SCN3B: variants seen among roughly 807,000 people sequenced by gnomAD.
SCN3B encodes the protein sodium voltage-gated channel beta subunit 3, also known as sodium channel regulatory subunit beta-3.
Under a neutral mutation model 25.4 loss-of-function variants are expected in SCN3B, and 11 were observed. The ratio of observed to expected loss-of-function variants is 0.43; its 90% CI spans 0.27 to 0.72. The LOEUF (loss-of-function observed/expected upper bound fraction) is 0.72, where lower values mean the gene tolerates loss of function less well. SCN3B is among the 30% of genes least tolerant of loss of function. SCN3B has a pLI of 0.18. For synonymous variants in SCN3B, 109 were observed against 110.7 expected (o/e 0.99, Z 0.09); for missense variants, 218 against 278.3 (o/e 0.78, Z 1.54).
intron 2 of SCN3B, among the ~76,000 whole-genome samples, chr11:123,646,730 G>A (rs1955858073): frequency 6.6e-6 from 1 of 152,174 alleles, no homozygotes; most frequent in Non-Finnish European, 1.5e-5. Context: ...AATAACTTGA[G>A]CGGGACAAGG....
intron 1 of SCN3B, 117 bp from the exon 2 acceptor site, chr11:123,653,943 C>T (rs530483995): frequency 5.1e-6 from 5 of 986,542 alleles, no homozygotes; most frequent in South Asian, 1.3e-5. Flanking sequence ...GGGCCGAGCA[C>T]CGGTGCCTGG....
At chr11:123,649,542 G>A (rs1331520517) in intron 2 of SCN3B, among the ~76,000 whole-genome samples, 1 of 152,170 alleles carries the variant, frequency 6.6e-6, no homozygotes, top group Non-Finnish European at 1.5e-5. Context: ...TGCTTCAAGA[G>A]GTAATGTCTG....
chr11:123,643,042 A>G (rs1955810001), intron 3 of SCN3B, among the ~76,000 whole-genome samples: 1 of 152,230 alleles, frequency 6.6e-6, no homozygotes, highest in Non-Finnish European at 1.5e-5. Context: ...AGAGAAAGAC[A>G]GGATTGTAAA....
Position 123,645,724 on chromosome 11 carries a change from CCA to C in SCN3B, c.80_81del (p.Val27GlyfsTer43). The C allele has an allele frequency of 6.2e-7, 1 of 1,614,060 alleles. No individual in the cohort carries two copies. The highest frequency in any genetic ancestry group is 8.5e-7 in the Non-Finnish European group (1 of 1,180,026). On this transcript the variant is annotated frameshift_variant, in exon 3 of 7. Coordinates refer to ENST00000299333, the MANE Select transcript of SCN3B (RefSeq NM_001040151.2). LOFTEE classifies it high-confidence loss of function. ...YWVSVCFPVC[V>X]EVPSETEAVQ... ...ACGGCCTCCGTCTCCGAGGGCACTT[CCA>C]CACACACAGGGAAGCAGACACTGAC...
intron 2 of SCN3B, among the ~76,000 whole-genome samples, chr11:123,651,115 ATTAT>A (rs1385920409): frequency 4.6e-5 from 7 of 151,050 alleles, no homozygotes; most frequent in Admixed American, 6.6e-5. Context: ...TATTGTATTA[ATTAT>A]TTATTGTATT....
chr11:123,637,092 T>C (rs78564934), intron 5 of SCN3B, among the ~76,000 whole-genome samples: 11,389 of 152,212 alleles, frequency 0.075, 556 homozygotes, highest in East Asian at 0.22. Context: ...GTTTTTTCTA[T>C]CTTTCCTTTC....
intron 3 of SCN3B, among the ~76,000 whole-genome samples, chr11:123,643,735 A>G (rs547079998): frequency 1.3e-5 from 2 of 152,336 alleles, no homozygotes; most frequent in African/African-American, 4.8e-5. Flanking sequence ...CAGGCCTGGA[A>G]GCAATGTGGG....
At position 123,633,285 on chromosome 11, in the gene SCN3B, TGG is replaced by T. The variant is rs1300062138; in HGVS notation, c.*512_*513del. On this transcript the variant is annotated 3_prime_UTR_variant, in exon 7 of 7. Transcript: ENST00000299333. ...GCTTCACTCTGATGCTGTAGCAAAGTGGGCCATGAACCTGACAAAACTGACTT... is the reference window on the plus strand; with the variant it reads ...GCTTCACTCTGATGCTGTAGCAAAGTGCCATGAACCTGACAAAACTGACTT... The T allele has an allele frequency of 6.6e-6, 1 of 152,286 alleles. No individual in the cohort carries two copies. Among genetic ancestry groups the T allele is most frequent in the Non-Finnish European group, 1.5e-5 (1 of 68,088 alleles). 9.4% of individuals were successfully genotyped at this position (152,286 alleles called of 1,614,324 possible). A position where few individuals can be genotyped will look rare whatever the true frequency, so the allele number is the denominator to read the frequency against.
At chr11:123,640,510 T>G (rs1457652552) in intron 4 of SCN3B, 1 of 117,246 alleles carries the variant, frequency 8.5e-6, no homozygotes, top group African/African-American at 3.4e-5. Flanking sequence ...GTATCTGATG[T>G]CACAGAGGCA....
intron 2 of SCN3B, among the ~76,000 whole-genome samples, chr11:123,649,633 C>G (rs1955897367): frequency 1.4e-5 from 2 of 145,366 alleles, no homozygotes. Context: ...TTTTTTCTTT[C>G]TTTCTTTTTT....
chr11:123,649,009 C>A (rs1231413878), intron 2 of SCN3B, among the ~76,000 whole-genome samples: 1 of 152,090 alleles, frequency 6.6e-6, no homozygotes, highest in Non-Finnish European at 1.5e-5. Flanking sequence ...ATCATATGAT[C>A]TGATGCTGTG....
In SCN3B at chr11:123,648,296, C is replaced by G. The variant is rs544289562; in HGVS notation, c.56-2546G>C. Reference sequence around the variant, plus strand: ...AGTTGGGTTTGATGTACTATGTAATCTCTCTGGACTCAGTTTATTCATCGA... The same window carrying G: ...AGTTGGGTTTGATGTACTATGTAATGTCTCTGGACTCAGTTTATTCATCGA... On this transcript the variant is annotated intron_variant, in intron 2 of 6. Coordinates refer to ENST00000299333, the MANE Select transcript of SCN3B (RefSeq NM_001040151.2). Among the ~76,000 whole-genome samples the G allele has an allele frequency of 1.2e-4, 18 of 152,348 alleles. 1 individual carries two copies. The East Asian group carries it at 3.5e-3, about 29-fold the overall frequency.
rs974924875 is a variant in SCN3B, at chr11:123,647,668, G to A, written c.56-1918C>T. Among the ~76,000 whole-genome samples the A allele has an allele frequency of 7.2e-5, 11 of 152,180 alleles. No homozygotes were observed. In the East Asian group the frequency reaches 1.2e-3, roughly 16 times the overall value. On this transcript the variant is annotated intron_variant, in intron 2 of 6. Transcript: ENST00000299333. ...CAGCCTGTTCATCTCCTGGCAGAGCGTTCTTTCCTAAAAGCAGAGGAAGGT... is the reference window on the plus strand; with the variant it reads ...CAGCCTGTTCATCTCCTGGCAGAGCATTCTTTCCTAAAAGCAGAGGAAGGT...
chr11:123,649,960 TC>T (rs1955905064), intron 2 of SCN3B, among the ~76,000 whole-genome samples: 1 of 152,132 alleles, frequency 6.6e-6, no homozygotes, highest in Non-Finnish European at 1.5e-5. Context: ...CACCTTGACC[TC>T]CCAAAGTGCC....
Position 123,632,397 on chromosome 11 carries a change from T to C in SCN3B, c.*1402A>G, listed in dbSNP as rs904714688. 2 of 152,194 alleles carry C rather than the reference T, an allele frequency of 1.3e-5. No individual in the cohort carries two copies. Among genetic ancestry groups the C allele is most frequent in the Non-Finnish European group, 2.9e-5 (2 of 68,022 alleles). 9.4% of individuals were successfully genotyped at this position (152,194 alleles called of 1,614,324 possible). On this transcript the variant is annotated 3_prime_UTR_variant, in exon 7 of 7. Coordinates refer to ENST00000299333, the MANE Select transcript of SCN3B (RefSeq NM_001040151.2). Reference sequence around the variant, plus strand: ...TTCTTCTCCCTGCTTTTTTGGCCAATTTCTAGTCATCTGAATCTATCAGAG... The same window carrying C: ...TTCTTCTCCCTGCTTTTTTGGCCAACTTCTAGTCATCTGAATCTATCAGAG...
chr11:123,637,047 C>T (rs552044359), intron 5 of SCN3B, among the ~76,000 whole-genome samples: 6 of 152,278 alleles, frequency 3.9e-5, no homozygotes, highest in East Asian at 3.9e-4. Context: ...AGACTGTTTT[C>T]GGTTTGCCTC....
chr11:123,637,705 C>T (rs963236376), intron 5 of SCN3B, among the ~76,000 whole-genome samples: 5 of 151,874 alleles, frequency 3.3e-5, no homozygotes, highest in Non-Finnish European at 7.4e-5. Context: ...ATTTTTTATA[C>T]TTTTAGTAGA....
chr11:123,639,286 T>C (rs74421140), intron 4 of SCN3B: 11,017 of 152,326 alleles, frequency 0.072, 536 homozygotes, highest in East Asian at 0.23. Flanking sequence ...AGTCTCGCAG[T>C]AGTTCTAGAT....
At chr11:123,644,800 AATATATATATATATATAT>A (rs56135097) in intron 3 of SCN3B, among the ~76,000 whole-genome samples, 546 of 45,566 alleles carry the variant, frequency 0.012, 8 homozygotes, top group African/African-American at 0.034. Context: ...AGAGAGAGAG[AATATATATATATATATAT>A]ATATATATAT....
Sources: allele counts gnomAD v4.1 joint callset (sites outside exome capture counted in the v4.1 genomes callset), GRCh38; gene constraint gnomAD v4.1.1; transcripts MANE v1.5; gene names NCBI Gene and HGNC (gene_info 2026-07-23, HGNC 2026-07-21).